The following TMEM272 variants were observed in gnomAD, a reference collection of about 807,000 sequenced individuals.
TMEM272 encodes the protein transmembrane protein 272, also known as long intergenic non-protein coding RNA 282.
TMEM272 carries 8 observed loss-of-function variants against 3.7 expected under a neutral mutation model. That is an observed-to-expected ratio of 2.17 (90% CI 1.27 to 3.91). The LOEUF is 3.91. Among genes scored for constraint, TMEM272 ranks in the 30% most tolerant of loss-of-function variants. The pLI is 0.00. For missense variants in TMEM272, 166 were observed against 91.5 expected, an observed-to-expected ratio of 1.81 and a Z score of -3.32; for synonymous variants, 63 against 39.8, an observed-to-expected ratio of 1.58 and a Z score of -2.20.
chr13:51,865,732 G>C, the TMEM272 span: 331 of 1,613,970 alleles, frequency 2.1e-4, no homozygotes, highest in Non-Finnish European at 5.9e-6. Context: ...GGGAGGAAGA[G>C]AAAACTTTCT....
chr13:51,926,711 G>A, the TMEM272 span, among the ~76,000 whole-genome samples: 1 of 152,118 alleles, frequency 6.6e-6, no homozygotes, highest in Middle Eastern at 3.2e-3. Context: ...GGGGCATGCT[G>A]GGAGCAGGAG....
chr13:51,921,557 C>T, the TMEM272 span: 10 of 152,286 alleles, frequency 6.6e-5, no homozygotes, highest in Non-Finnish European at 1.5e-4. Context: ...GGGGCTGTGC[C>T]TCTCTAAGGC....
the TMEM272 span, among the ~76,000 whole-genome samples, chr13:51,915,572 A>C: frequency 1.3e-5 from 2 of 152,194 alleles, no homozygotes; most frequent in African/African-American, 2.4e-5. Context: ...TCTACTGTTC[A>C]TGTTCCTCTA....
chr13:51,927,855 T>C, the TMEM272 span, among the ~76,000 whole-genome samples: 1 of 152,172 alleles, frequency 6.6e-6, no homozygotes, highest in Non-Finnish European at 1.5e-5. Flanking sequence ...TGCTAGGCAT[T>C]TTATGTACAT....
intron 2 of TMEM272, among the ~76,000 whole-genome samples, chr13:51,827,713 T>G (rs1956139120): frequency 6.6e-6 from 1 of 152,140 alleles, no homozygotes; most frequent in South Asian, 2.1e-4. Context: ...TCACCTTAAT[T>G]ATTTTCGGGT....
chr13:51,848,975 A>G (rs1188063933), upstream of TMEM272, among the ~76,000 whole-genome samples: 1 of 152,114 alleles, frequency 6.6e-6, no homozygotes, highest in African/African-American at 2.4e-5. Context: ...TTTACCATCT[A>G]TTCATCCTGA....
At chr13:51,856,524 T>C in the TMEM272 span, among the ~76,000 whole-genome samples, 44 of 152,204 alleles carry the variant, frequency 2.9e-4, no homozygotes, top group Admixed American at 7.8e-4. Context: ...TATAAATTCC[T>C]CCCAAAGTTA....
intron 3 of TMEM272, 120 bp downstream of exon 3, chr13:51,826,446 G>A: frequency 1.5e-6 from 1 of 647,534 alleles, no homozygotes; most frequent in East Asian, 2.7e-5. Context: ...AGGTGTCTGG[G>A]AATCATCGGG....
At chr13:51,904,511 T>G in the TMEM272 span, among the ~76,000 whole-genome samples, 8 of 152,184 alleles carry the variant, frequency 5.3e-5, no homozygotes. Flanking sequence ...TAATTTTCTC[T>G]GGGCTTGAAT....
At chr13:51,875,725 C>T in the TMEM272 span, among the ~76,000 whole-genome samples, 1 of 152,198 alleles carries the variant, frequency 6.6e-6, no homozygotes, top group South Asian at 2.1e-4. Flanking sequence ...CTTGCAGGCG[C>T]TGCTGATCAG....
the TMEM272 span, among the ~76,000 whole-genome samples, chr13:51,902,237 T>C: frequency 2.6e-5 from 4 of 152,182 alleles, no homozygotes; most frequent in African/African-American, 9.7e-5. Flanking sequence ...GAAGACAGTT[T>C]CCCAGTTGCC....
intron 4 of TMEM272, 48 bp downstream of exon 4, chr13:51,822,006 GT>G (rs1385512168): frequency 5.7e-6 from 4 of 702,286 alleles, no homozygotes; most frequent in Non-Finnish European, 1.0e-5. Context: ...CAGGATGCCT[GT>G]GAGTTAATTT....
the TMEM272 span, chr13:51,865,595 C>G: frequency 6.2e-7 from 1 of 1,614,070 alleles, no homozygotes; most frequent in Non-Finnish European, 8.5e-7. Context: ...GTGGACTTTC[C>G]GAGGCAAGAT....
At chr13:51,923,773 CA>C in the TMEM272 span, among the ~76,000 whole-genome samples, 1 of 151,910 alleles carries the variant, frequency 6.6e-6, no homozygotes, top group Non-Finnish European at 1.5e-5. Flanking sequence ...GAGGAGAGGA[CA>C]GGGGGACAAT....
rs899453962 is a variant in TMEM272 at position 51,816,701 on chromosome 13, G to A, written c.*50C>T. On this transcript the variant is annotated 3_prime_UTR_variant, in exon 5 of 5. Coordinates refer to ENST00000629372, the MANE Select transcript of TMEM272 (RefSeq NM_001351003.2). ...TGCGTCTGTGTGTCTGTGTGCACGC[G>A]CGTGCATGCACACGCATATGCATAC... The A allele has an allele frequency of 4.0e-5, 26 of 655,246 alleles. No individual in the cohort carries two copies. The highest frequency in any genetic ancestry group is 1.6e-4 in the African/African-American group (9 of 56,372). The allele number at this position is 655,246 out of a possible 1,614,324, so 40.6% of individuals were successfully genotyped here. A position where few individuals can be genotyped will look rare whatever the true frequency, so the allele number is the denominator to read the frequency against.
the TMEM272 span, among the ~76,000 whole-genome samples, chr13:51,868,923 G>T: frequency 6.6e-6 from 1 of 152,320 alleles, no homozygotes; most frequent in Non-Finnish European, 1.5e-5. Context: ...AGCCTGAGCT[G>T]TGCCTCCACC....
the TMEM272 span, chr13:51,908,371 A>G: frequency 1.3e-6 from 2 of 1,500,686 alleles, no homozygotes; most frequent in Non-Finnish European, 1.9e-6. Context: ...CTCGGTGGAC[A>G]GACATTTCTC....
chr13:51,879,026 A>G, the TMEM272 span, among the ~76,000 whole-genome samples: 1 of 152,220 alleles, frequency 6.6e-6, no homozygotes, highest in East Asian at 1.9e-4. Context: ...GAAAAGCCAC[A>G]GCCCTGGGCC....
At chr13:51,850,068 GT>G (rs1214709519), upstream of TMEM272, among the ~76,000 whole-genome samples, 1 of 152,166 alleles carries the variant, frequency 6.6e-6, no homozygotes, top group Non-Finnish European at 1.5e-5. Flanking sequence ...AATTAGCTGG[GT>G]GTAGGGGTGT....
Sources: allele counts gnomAD v4.1 joint callset (sites outside exome capture counted in the v4.1 genomes callset), GRCh38; gene constraint gnomAD v4.1.1; transcripts MANE v1.5; gene names NCBI Gene and HGNC (gene_info 2026-07-23, HGNC 2026-07-21).